The following CFAP99 variants were observed in gnomAD, a reference collection of about 807,000 sequenced individuals.
CFAP99 encodes cilia and flagella associated protein 99.
A neutral mutation model predicts 82.7 loss-of-function variants in CFAP99; 84 were observed. The observed-to-expected ratio is 1.02, with a 90% CI of 0.85 to 1.22. The LOEUF (loss-of-function observed/expected upper bound fraction) is 1.22. CFAP99 is among the 50% of genes most tolerant of loss of function. CFAP99 has a pLI of 0.00. For synonymous variants in CFAP99, 456 were observed against 429.5 expected, an observed-to-expected ratio of 1.06 and a Z score of -0.76; for missense variants, 1,059 against 983.5, an observed-to-expected ratio of 1.08 and a Z score of -1.03.
intron 14 of CFAP99, 128 bp downstream of exon 14, chr4:2,460,370 G>A (rs771192251): frequency 7.8e-5 from 62 of 795,524 alleles, no homozygotes; most frequent in Admixed American, 2.5e-4. Context: ...TTCCCTTGCC[G>A]TAACTCCCCT....
chr4:2,422,320 G>A (rs1182636366), intron 1 of CFAP99, among the ~76,000 whole-genome samples: 2 of 152,154 alleles, frequency 1.3e-5, no homozygotes, highest in Non-Finnish European at 2.9e-5. Context: ...GGGTTCCAGG[G>A]GCAGGGCAGG....
exon 14 of CFAP99, chr4:2,460,040 C>T: frequency 6.5e-7 from 1 of 1,535,830 alleles, no homozygotes; most frequent in Non-Finnish European, 8.7e-7. Flanking sequence ...CCCACAGATC[C>T]CCGGCTACGG....
chr4:2,438,403 C>A (rs1045666608), intron 4 of CFAP99, among the ~76,000 whole-genome samples: 4 of 152,282 alleles, frequency 2.6e-5, no homozygotes, highest in African/African-American at 9.6e-5. Context: ...GCTGGGACTA[C>A]AGGCGCCCGC....
At chr4:2,422,979 A>AT in intron 1 of CFAP99, among the ~76,000 whole-genome samples, 1 of 152,216 alleles carries the variant, frequency 6.6e-6, no homozygotes, top group South Asian at 2.1e-4. Context: ...TCATTCTTTA[A>AT]TTTTTTTGTA....
exon 6 of CFAP99, chr4:2,445,238 ACCTGACTGC>A: frequency 6.9e-7 from 1 of 1,449,842 alleles, no homozygotes; most frequent in Non-Finnish European, 9.1e-7. Context: ...AAGGAATTCA[ACCTGACTGC>A]CCCCAGGCCC....
At chr4:2,441,114 A>G (rs1734027976) in intron 4 of CFAP99, among the ~76,000 whole-genome samples, 1 of 151,214 alleles carries the variant, frequency 6.6e-6, no homozygotes, top group South Asian at 2.1e-4. Flanking sequence ...GCCGGGCACA[A>G]TAATCCAGCA....
intron 14 of CFAP99, 72 bp downstream of exon 14, chr4:2,460,314 CTGGG>C (rs1230630044): frequency 1.5e-6 from 2 of 1,362,546 alleles, no homozygotes; most frequent in Non-Finnish European, 1.0e-6. Flanking sequence ...TTGCACCCTC[CTGGG>C]TGGGTCTCCT....
At chr4:2,418,971 GT>G (rs1403867178), upstream of CFAP99, 4 of 152,288 alleles carry the variant, frequency 2.6e-5, no homozygotes, top group Admixed American at 2.6e-4. The surrounding 1 kb of genome is among the most constrained non-coding windows in gnomAD (Gnocchi z 4.6). Flanking sequence ...CAGCCGCGGC[GT>G]CCTGCCTACC....
intron 1 of CFAP99, among the ~76,000 whole-genome samples, chr4:2,421,496 G>A (rs191865197): frequency 0.018 from 2,732 of 151,908 alleles, 183 homozygotes; most frequent in Admixed American, 0.13. Flanking sequence ...TGGTATTACA[G>A]GCACCTGCCA....
At chr4:2,424,125 C>A (rs1733636758) in intron 1 of CFAP99, among the ~76,000 whole-genome samples, 1 of 152,216 alleles carries the variant, frequency 6.6e-6, no homozygotes, top group Non-Finnish European at 1.5e-5. Context: ...CTAAAGCAGC[C>A]CCTAAAAGGA....
At chr4:2,451,149 G>A in intron 9 of CFAP99, 115 bp from the exon 10 acceptor site, 2 of 1,452,004 alleles carry the variant, frequency 1.4e-6, no homozygotes, top group Non-Finnish European at 1.9e-6. Context: ...CACCCTGGGG[G>A]ATAGGGAAGC....
rs1560392514 is a variant in CFAP99 at position 2,462,179 on chromosome 4, A to C, written c.1662-264A>C. On this transcript the variant is annotated intron_variant, in intron 14 of 14. Transcript: ENST00000635017. The surrounding 1 kb of genome is among the most constrained non-coding windows in gnomAD (Gnocchi z 4.1). ...CTCAAACAAACAAACAAACAACAAC[A>C]ACAAAAATTAAAGAAAAGAAAAAAA... is the stretch of plus-strand genomic sequence containing the variant. The C allele has an allele frequency of 2.9e-6, 1 of 341,988 alleles. No homozygotes were observed. The allele number at this position is 341,988 out of a possible 1,614,324, so 21.2% of individuals were successfully genotyped here.
At chr4:2,431,095 G>T (rs554184480) in intron 2 of CFAP99, among the ~76,000 whole-genome samples, 2 of 149,886 alleles carry the variant, frequency 1.3e-5, no homozygotes, top group African/African-American at 4.9e-5. Context: ...TTGGCCGGGC[G>T]CGGTGGCTCA....
At chr4:2,445,149 G>A in exon 6 of CFAP99, 1 of 1,396,086 alleles carries the variant, frequency 7.2e-7, no homozygotes, top group Non-Finnish European at 9.3e-7. Flanking sequence ...CAGAGGTCCA[G>A]GAGCTGATCA....
At chr4:2,432,199 C>T (rs924542459) in intron 2 of CFAP99, among the ~76,000 whole-genome samples, 1 of 152,220 alleles carries the variant, frequency 6.6e-6, no homozygotes, top group African/African-American at 2.4e-5. Flanking sequence ...GCCCTACCTC[C>T]AGCATTGCAT....
chr4:2,452,690 GCTT>G (rs1734333880), intron 11 of CFAP99, among the ~76,000 whole-genome samples: 2 of 152,184 alleles, frequency 1.3e-5, no homozygotes, highest in Non-Finnish European at 2.9e-5. Context: ...CACTCAGATT[GCTT>G]CTTTTGATAG....
chr4:2,426,658 A>G (rs1183337269), intron 2 of CFAP99, 72 bp downstream of exon 2: 2 of 948,668 alleles, frequency 2.1e-6, no homozygotes, highest in Non-Finnish European at 3.3e-6. Flanking sequence ...GGTTAACAGC[A>G]TCAAATGCCT....
At chr4:2,442,827 C>G (rs1322993512) in intron 4 of CFAP99, among the ~76,000 whole-genome samples, 3 of 152,056 alleles carry the variant, frequency 2.0e-5, no homozygotes, top group Admixed American at 1.3e-4. Flanking sequence ...ATCAGAGTTC[C>G]GTGGTGACAG....
chr4:2,445,108 G>C (rs776769577), intron 5 of CFAP99, 23 bp from the exon 6 acceptor site: 1 of 1,322,704 alleles, frequency 7.6e-7, no homozygotes, highest in African/African-American at 1.5e-5. Flanking sequence ...ACCATAAGAG[G>C]TGTTTCCACT....
Sources: allele counts gnomAD v4.1 joint callset (sites outside exome capture counted in the v4.1 genomes callset), GRCh38; gene constraint gnomAD v4.1.1; non-coding constraint Gnocchi (gnomAD v3.1); transcripts MANE v1.5; gene names NCBI Gene and HGNC (gene_info 2026-07-23, HGNC 2026-07-21).